SLC30A8: variants seen among roughly 807,000 people sequenced by gnomAD.
SLC30A8 encodes proton-coupled zinc antiporter SLC30A8.
In SLC30A8, 27 loss-of-function variants were observed where a neutral mutation model predicts 36.9. The observed-to-expected ratio is 0.73, with a 90% confidence interval of 0.54 to 1.01. The LOEUF is 1.01. Ranked by LOEUF, SLC30A8 falls within the 50% of genes least tolerant of loss-of-function variation. SLC30A8 has a pLI of 0.00. For missense variants in SLC30A8, 439 were observed against 452.0 expected (o/e 0.97, Z 0.26); for synonymous variants, 164 against 172.4 (o/e 0.95, Z 0.38).
intron 1 of SLC30A8, among the ~76,000 whole-genome samples, chr8:117,136,501 C>A (rs998347635): frequency 6.6e-6 from 1 of 151,904 alleles, no homozygotes; most frequent in African/African-American, 2.4e-5. Context: ...AGTAGTGATA[C>A]TATGTTTGGG....
At chr8:117,034,311 G>A (rs1405156371) in intron 1 of SLC30A8, among the ~76,000 whole-genome samples, 3 of 152,166 alleles carry the variant, frequency 2.0e-5, no homozygotes, top group Admixed American at 6.5e-5. Context: ...GAAATCATCA[G>A]TTTCCAATAC....
chr8:117,109,860 TCTAAGAGGAATTAC>T (rs1820149075), intron 2 of SLC30A8, among the ~76,000 whole-genome samples: 1 of 152,112 alleles, frequency 6.6e-6, no homozygotes, highest in African/African-American at 2.4e-5. Flanking sequence ...GAGGGGATGA[TCTAAGAGGAATTAC>T]CACCCTGGAT....
At chr8:117,035,971 C>T (rs1345832934) in intron 1 of SLC30A8, among the ~76,000 whole-genome samples, 1 of 120,420 alleles carries the variant, frequency 8.3e-6, no homozygotes, top group Non-Finnish European at 1.7e-5. Context: ...TCATTTTTCC[C>T]TCCTACTCTT....
intron 1 of SLC30A8, among the ~76,000 whole-genome samples, chr8:116,992,951 A>G (rs1815695551): frequency 6.8e-6 from 1 of 147,050 alleles, no homozygotes; most frequent in Non-Finnish European, 1.5e-5. Flanking sequence ...TACGCAGAGA[A>G]TCGTGGCCAT....
At chr8:117,110,760 A>C (rs993334042) in intron 2 of SLC30A8, among the ~76,000 whole-genome samples, 2 of 152,164 alleles carry the variant, frequency 1.3e-5, no homozygotes, top group African/African-American at 4.8e-5. Context: ...ATTTTGCTTG[A>C]TTTATAAGGA....
At chr8:117,146,230 C>G (rs187628938) in intron 1 of SLC30A8, among the ~76,000 whole-genome samples, 1 of 151,574 alleles carries the variant, frequency 6.6e-6, no homozygotes, top group East Asian at 1.9e-4. Context: ...TCACATGTAC[C>G]CTAAATTAGT....
intron 2 of SLC30A8, among the ~76,000 whole-genome samples, chr8:117,118,935 C>T (rs1472744951): frequency 7.2e-5 from 11 of 151,836 alleles, no homozygotes; most frequent in Admixed American, 4.6e-4. Flanking sequence ...CTCAAAGATG[C>T]GGTGTTGGAA....
chr8:116,969,831 A>G (rs148092878), intron 1 of SLC30A8, among the ~76,000 whole-genome samples: 2 of 152,342 alleles, frequency 1.3e-5, no homozygotes, highest in East Asian at 3.9e-4. Context: ...AGCTTGCAGG[A>G]CTGAAAGTTG....
At chr8:117,050,078 ACAG>A (rs760660780) in intron 2 of SLC30A8, among the ~76,000 whole-genome samples, 3 of 152,174 alleles carry the variant, frequency 2.0e-5, no homozygotes, top group Non-Finnish European at 1.5e-5. Flanking sequence ...TTGGAAGGCA[ACAG>A]CATGCTCTCT....
At chr8:117,133,463 G>A (rs995397627), upstream of SLC30A8, among the ~76,000 whole-genome samples, 1 of 151,946 alleles carries the variant, frequency 6.6e-6, no homozygotes, top group African/African-American at 2.4e-5. Context: ...GGCAAAGTTC[G>A]CATGGAGGAA....
intron 2 of SLC30A8, among the ~76,000 whole-genome samples, chr8:117,052,259 C>T (rs1817733604): frequency 6.6e-6 from 1 of 152,198 alleles, no homozygotes; most frequent in South Asian, 2.1e-4. Context: ...TATCCACCTG[C>T]CTTGGCCTCC....
At chr8:117,043,826 G>A (rs1483574904) in intron 2 of SLC30A8, among the ~76,000 whole-genome samples, 1 of 152,176 alleles carries the variant, frequency 6.6e-6, no homozygotes, top group African/African-American at 2.4e-5. Context: ...AGAATTCATA[G>A]TTACATTATA....
chr8:117,152,148 T>G (rs1822220683), intron 2 of SLC30A8, among the ~76,000 whole-genome samples: 1 of 152,230 alleles, frequency 6.6e-6, no homozygotes, highest in Non-Finnish European at 1.5e-5. Context: ...AAAAGCCCTT[T>G]GCTGGGAAGA....
At chr8:116,989,384 A>G (rs780066691) in intron 1 of SLC30A8, among the ~76,000 whole-genome samples, 1 of 152,218 alleles carries the variant, frequency 6.6e-6, no homozygotes, top group African/African-American at 2.4e-5. Flanking sequence ...TAAATTTTGT[A>G]AAGTATATGA....
intron 2 of SLC30A8, among the ~76,000 whole-genome samples, chr8:117,116,254 GC>G (rs1450328554): frequency 3.3e-5 from 5 of 151,978 alleles, no homozygotes; most frequent in African/African-American, 9.7e-5. Context: ...GCACTGGAGG[GC>G]TTTGATTAGA....
intron 1 of SLC30A8, among the ~76,000 whole-genome samples, chr8:117,005,593 T>C (rs1816148689): frequency 1.3e-5 from 2 of 152,258 alleles, no homozygotes; most frequent in Non-Finnish European, 2.9e-5. Flanking sequence ...TGTATACCTA[T>C]GTGGAATTGC....
chr8:117,032,395 G>A (rs563570287), intron 1 of SLC30A8, among the ~76,000 whole-genome samples: 73 of 152,240 alleles, frequency 4.8e-4, no homozygotes, highest in African/African-American at 1.6e-3. Flanking sequence ...GAATAAAAAG[G>A]TGTAAAAAAG....
intron 2 of SLC30A8, among the ~76,000 whole-genome samples, chr8:117,080,314 T>G (rs1818631519): frequency 6.6e-6 from 1 of 152,176 alleles, no homozygotes. Flanking sequence ...CCTTTTATTT[T>G]TTTAATTATT....
chr8:117,125,022 C>T (rs1820844039), intron 2 of SLC30A8, among the ~76,000 whole-genome samples: 1 of 151,928 alleles, frequency 6.6e-6, no homozygotes, highest in Non-Finnish European at 1.5e-5. Flanking sequence ...TATTGAGATA[C>T]CAAAATTCTA....
Sources: gnomAD v4.1 joint callset for allele counts (sites outside exome capture counted in the v4.1 genomes callset) on GRCh38, gnomAD v4.1.1 for gene constraint, MANE v1.5 for transcripts, NCBI Gene and HGNC (gene_info 2026-07-23, HGNC 2026-07-21) for gene names.